DGKB: variants seen among roughly 807,000 people sequenced by gnomAD.
DGKB encodes the protein 90 kDa diacylglycerol kinase.
A neutral mutation model predicts 114.3 loss-of-function variants in DGKB; 67 were observed. That is an observed-to-expected ratio of 0.59 (90% CI 0.48 to 0.72). DGKB has a LOEUF of 0.72. Ranked by LOEUF, DGKB falls within the 30% of genes least tolerant of loss-of-function variation. The pLI, the probability that DGKB is intolerant of heterozygous loss-of-function variation, is 0.00. For synonymous variants in DGKB, 398 were observed against 323.1 expected (o/e 1.23, Z -2.49); for missense variants, 907 against 975.2 (o/e 0.93, Z 0.93).
At chr7:14,418,275 T>A (rs548663200) in intron 21 of DGKB, among the ~76,000 whole-genome samples, 36,996 of 142,690 alleles carry the variant, frequency 0.26, 5,355 homozygotes, top group East Asian at 0.47. Context: ...TATATATATT[T>A]TATATATGTG....
intron 23 of DGKB, among the ~76,000 whole-genome samples, chr7:14,317,487 A>C (rs1217730450): frequency 2.0e-5 from 3 of 151,946 alleles, no homozygotes; most frequent in African/African-American, 7.3e-5. Context: ...CCTATACACC[A>C]ACCACAGACA....
intron 23 of DGKB, among the ~76,000 whole-genome samples, chr7:14,338,250 T>C (rs549606260): frequency 2.0e-5 from 3 of 152,108 alleles, no homozygotes; most frequent in Non-Finnish European, 4.4e-5. Flanking sequence ...TTCTATTTTA[T>C]TATCCATGAA....
At chr7:14,742,307 G>A (rs1832695301) in intron 4 of DGKB, among the ~76,000 whole-genome samples, 1 of 152,142 alleles carries the variant, frequency 6.6e-6, no homozygotes, top group Admixed American at 6.5e-5. Flanking sequence ...ATCTTCTTCT[G>A]TCTGTCTATG....
intron 1 of DGKB, among the ~76,000 whole-genome samples, chr7:14,955,222 C>A (rs1473150962): frequency 6.6e-6 from 1 of 151,958 alleles, no homozygotes; most frequent in East Asian, 1.9e-4. Context: ...AAATTTAGGG[C>A]AGAACCAAGA....
rs1189091668 is a variant in DGKB, at chr7:14,550,243, A to T, written c.1770+23969T>A. ...TTATCATTCATTAGAGATTAGGTTA[A>T]TTTTTTTCTAAAATACTTATTTACT... On this transcript the variant is annotated intron_variant, in intron 20 of 25. Transcript: ENST00000402815. Among the ~76,000 whole-genome samples, 5 of 152,156 alleles carry T rather than the reference A, an allele frequency of 3.3e-5. No individual in the cohort carries two copies. The South Asian group carries it at 6.2e-4, about 19-fold the overall frequency.
rs1191034334 is a variant in DGKB, at chr7:14,574,332, A to C, written c.1650T>G (p.Ile550Met). ...CCAACATGATTTCTGTGCTGTTTTC[A>C]ATGTCTTTTAGAATTTTCATCAGAT... ...GENLMKILKD[I>M]ENSTEIMLDR... The change falls in exon 20 of 26, where the codon ATT becomes ATG. Residue 550 changes from isoleucine (I) to methionine (M), a missense_variant. Physicochemically the swap from Ile to Met is conservative, Grantham distance 10. Transcript: ENST00000402815. 1.9e-6 allele frequency: 3 copies of C among 1,613,024 alleles called. No homozygotes were observed. Among genetic ancestry groups the C allele is most frequent in the Non-Finnish European group, 2.5e-6 (3 of 1,179,572 alleles).
At chr7:14,207,759 C>T (rs1787068960) in intron 23 of DGKB, among the ~76,000 whole-genome samples, 1 of 151,898 alleles carries the variant, frequency 6.6e-6, no homozygotes, top group Non-Finnish European at 1.5e-5. Flanking sequence ...TTTTTTACTC[C>T]TTTATTGTAC....
intron 20 of DGKB, among the ~76,000 whole-genome samples, chr7:14,522,085 C>T (rs12699626): frequency 0.41 from 61,667 of 151,948 alleles, 13,434 homozygotes; most frequent in East Asian, 0.72. Context: ...CATAGCTTAG[C>T]GTTCACCCAA....
chr7:14,791,280 C>T (rs1234321508), intron 2 of DGKB, among the ~76,000 whole-genome samples: 1 of 152,134 alleles, frequency 6.6e-6, no homozygotes, highest in Non-Finnish European at 1.5e-5. Flanking sequence ...ATCTTCTATC[C>T]TGCAAACTTT....
chr7:14,690,933 C>A (rs933202575), intron 9 of DGKB, among the ~76,000 whole-genome samples: 4 of 152,126 alleles, frequency 2.6e-5, no homozygotes, highest in African/African-American at 9.7e-5. Context: ...TCCTTCAAAT[C>A]TAAGAGACAC....
intron 21 of DGKB, among the ~76,000 whole-genome samples, chr7:14,361,815 T>C (rs887602482): frequency 1.3e-5 from 2 of 152,006 alleles, no homozygotes; most frequent in Non-Finnish European, 2.9e-5. Context: ...AGATAAAACT[T>C]GTTTCAATTT....
chr7:14,181,477 C>T (rs1470007446), intron 23 of DGKB, among the ~76,000 whole-genome samples: 1 of 152,164 alleles, frequency 6.6e-6, no homozygotes, highest in Non-Finnish European at 1.5e-5. Flanking sequence ...TGCCACAATC[C>T]ATTGGTTATT....
intron 1 of DGKB, among the ~76,000 whole-genome samples, chr7:14,868,555 C>G (rs187597499): frequency 8.2e-4 from 125 of 152,066 alleles, no homozygotes; most frequent in African/African-American, 2.8e-3. Context: ...AGGCTGGTCT[C>G]GAACTCCTAA....
At chr7:14,850,669 T>C (rs1400457600) in intron 1 of DGKB, among the ~76,000 whole-genome samples, 1 of 152,122 alleles carries the variant, frequency 6.6e-6, no homozygotes, top group Non-Finnish European at 1.5e-5. Flanking sequence ...AATAACAGTG[T>C]GAATATATGA....
chr7:14,910,359 CA>C (rs1394891810), intron 1 of DGKB, among the ~76,000 whole-genome samples: 1 of 151,428 alleles, frequency 6.6e-6, no homozygotes. Flanking sequence ...CAAAACAAAA[CA>C]AAACAAAAAA....
At chr7:14,231,057 A>C (rs1791655790) in intron 23 of DGKB, among the ~76,000 whole-genome samples, 1 of 151,846 alleles carries the variant, frequency 6.6e-6, no homozygotes, top group Admixed American at 6.6e-5. Flanking sequence ...TGTATTAAGC[A>C]AGGTTAAAAA....
At chr7:14,645,637 A>T (rs1333949993) in intron 13 of DGKB, among the ~76,000 whole-genome samples, 1 of 151,944 alleles carries the variant, frequency 6.6e-6, no homozygotes, top group Admixed American at 6.6e-5. Context: ...GACTAACAAC[A>T]CACTTCTCAG....
At chr7:14,940,211 A>G (rs1485092401) in intron 1 of DGKB, among the ~76,000 whole-genome samples, 1 of 152,190 alleles carries the variant, frequency 6.6e-6, no homozygotes, top group Non-Finnish European at 1.5e-5. Context: ...ATATGTAATT[A>G]TGAGTTGCCA....
intron 21 of DGKB, among the ~76,000 whole-genome samples, chr7:14,385,580 T>C (rs1007023639): frequency 6.6e-6 from 1 of 152,182 alleles, no homozygotes; most frequent in Non-Finnish European, 1.5e-5. Flanking sequence ...ACAAGTTCAA[T>C]TATAGCAAAG....
Sources: gnomAD v4.1 joint callset for allele counts (sites outside exome capture counted in the v4.1 genomes callset) on GRCh38, gnomAD v4.1.1 for gene constraint, MANE v1.5 for transcripts, NCBI Gene and HGNC (gene_info 2026-07-23, HGNC 2026-07-21) for gene names.